CMPK1: variants seen among roughly 807,000 people sequenced by gnomAD.
CMPK1 encodes cytidine/uridine monophosphate kinase 1, also known as UMP-CMP kinase.
In CMPK1, 10 loss-of-function variants were observed where a neutral mutation model predicts 25.7. The observed-to-expected ratio is 0.39, with a 90% confidence interval of 0.24 to 0.66. The LOEUF is 0.66. Among genes scored for constraint, CMPK1 ranks in the 30% least tolerant of loss-of-function variants. CMPK1 has a pLI of 0.48. For synonymous variants in CMPK1, 106 were observed against 101.5 expected (o/e 1.04, Z -0.27); for missense variants, 199 against 280.5 (o/e 0.71, Z 2.08).
intron 2 of CMPK1, among the ~76,000 whole-genome samples, chr1:47,371,280 T>G (rs904588333): frequency 6.6e-6 from 1 of 152,136 alleles, no homozygotes; most frequent in African/African-American, 2.4e-5. Context: ...CTCTCCCTAT[T>G]CACTCTTTCT....
chr1:47,346,337 G>A (rs906368386), intron 1 of CMPK1, among the ~76,000 whole-genome samples: 10 of 152,044 alleles, frequency 6.6e-5, no homozygotes, highest in African/African-American at 2.2e-4. Context: ...GTGGCTCCCA[G>A]GCATGAGCTA....
chr1:47,373,210 T>G, intron 3 of CMPK1, 103 bp downstream of exon 3: 1 of 1,108,450 alleles, frequency 9.0e-7, no homozygotes, highest in Non-Finnish European at 1.2e-6. Flanking sequence ...TTGGCAGCAG[T>G]GTTTTTTGAA....
chr1:47,376,760 G>A lies in CMPK1; in HGVS notation c.*15G>A, dbSNP rs867076992. The stretch of plus-strand genomic sequence containing the variant: ...AGGAAGGCTAATTCTAAACCTGAAG[G>A]CATCCTTGAAATCATGCTTGAATAT... On this transcript the variant is annotated 3_prime_UTR_variant, in exon 6 of 6. Transcript: ENST00000371873. The A allele has an allele frequency of 6.8e-7, 1 of 1,476,240 alleles. No homozygotes were observed. The highest frequency in any genetic ancestry group is 9.4e-7 in the Non-Finnish European group (1 of 1,059,404). 91.4% of individuals were successfully genotyped at this position (1,476,240 alleles called of 1,614,324 possible).
At chr1:47,335,778 T>C (rs2149322863) in intron 1 of CMPK1, among the ~76,000 whole-genome samples, 1 of 152,242 alleles carries the variant, frequency 6.6e-6, no homozygotes, top group Middle Eastern at 3.4e-3. Flanking sequence ...TTTTTGTTTT[T>C]GTTTTTGTGA....
intron 1 of CMPK1, 68 bp downstream of exon 1, chr1:47,334,184 C>G (rs1489950680): frequency 1.5e-5 from 18 of 1,236,320 alleles, no homozygotes; most frequent in Middle Eastern, 3.2e-4. Context: ...TCCCGCCGCC[C>G]CTAGTCCGCG....
At chr1:47,368,066 C>T (rs527547093) in intron 1 of CMPK1, among the ~76,000 whole-genome samples, 1 of 152,284 alleles carries the variant, frequency 6.6e-6, no homozygotes, top group Admixed American at 6.5e-5. Flanking sequence ...TCTCCTGCCT[C>T]AGCCTCCTGA....
chr1:47,343,029 C>T (rs1646453153), intron 1 of CMPK1, among the ~76,000 whole-genome samples: 2 of 149,674 alleles, frequency 1.3e-5, no homozygotes, highest in Admixed American at 6.7e-5. Context: ...CTCTGTCGCC[C>T]AGGCTAGAGT....
In CMPK1 at chr1:47,377,154, T is replaced by C. The variant is rs1171403647; in HGVS notation, c.*409T>C. On this transcript the variant is annotated 3_prime_UTR_variant, in exon 6 of 6. Coordinates refer to ENST00000371873, the MANE Select transcript of CMPK1 (RefSeq NM_016308.3). ...TTAAATTTCCAACCTTAAGTGAATTTGTGGACCAAATTTCAAAGGAACTTT... is the reference window on the plus strand; with the variant it reads ...TTAAATTTCCAACCTTAAGTGAATTCGTGGACCAAATTTCAAAGGAACTTT... The C allele has an allele frequency of 6.5e-6, 1 of 153,958 alleles. No individual in the cohort carries two copies. The highest frequency in any genetic ancestry group is 1.5e-5 in the Non-Finnish European group (1 of 68,946). The allele number at this position is 153,958 out of a possible 1,614,324, so 9.5% of individuals were successfully genotyped here. A position where few individuals can be genotyped will look rare whatever the true frequency, so the allele number is the denominator to read the frequency against.
At chr1:47,339,727 A>T (rs1379688342) in intron 1 of CMPK1, among the ~76,000 whole-genome samples, 6 of 115,852 alleles carry the variant, frequency 5.2e-5, no homozygotes, top group African/African-American at 1.6e-4. Flanking sequence ...TTTTTTTTTA[A>T]GACAGAGCCT....
At chr1:47,338,449 A>G (rs78284022) in intron 1 of CMPK1, among the ~76,000 whole-genome samples, 1 of 151,522 alleles carries the variant, frequency 6.6e-6, no homozygotes, top group African/African-American at 2.4e-5. Flanking sequence ...TTTGGGATTG[A>G]TTTTGCACAT....
At chr1:47,362,320 C>T (rs552547469) in intron 1 of CMPK1, among the ~76,000 whole-genome samples, 61 of 151,608 alleles carry the variant, frequency 4.0e-4, no homozygotes, top group Admixed American at 1.6e-3. Context: ...CAGGCACACA[C>T]CACCACGCCC....
intron 1 of CMPK1, among the ~76,000 whole-genome samples, chr1:47,345,210 G>A (rs913579341): frequency 6.6e-6 from 1 of 151,978 alleles, no homozygotes; most frequent in Non-Finnish European, 1.5e-5. Context: ...GAGCCACCAC[G>A]CCTGGCCTTC....
At chr1:47,373,305 A>T (rs1427211568) in intron 3 of CMPK1, 198 bp downstream of exon 3, 4 of 374,924 alleles carry the variant, frequency 1.1e-5, no homozygotes, top group Non-Finnish European at 1.9e-5. Flanking sequence ...GTGGAGCTAA[A>T]TTTTCCTTTA....
At chr1:47,346,929 G>T (rs890766528) in intron 1 of CMPK1, among the ~76,000 whole-genome samples, 12 of 149,056 alleles carry the variant, frequency 8.1e-5, no homozygotes, top group African/African-American at 3.0e-4. Context: ...GATTACAGGC[G>T]CCCGCCACCA....
chr1:47,339,710 T>C lies in CMPK1; in HGVS notation c.171+5594T>C, dbSNP rs61511177. Among the ~76,000 whole-genome samples, 5 of 76,392 alleles carry C rather than the reference T, an allele frequency of 6.5e-5. No homozygotes were observed. The South Asian group carries it at 1.5e-3, about 22-fold the overall frequency. The allele number at this position is 76,392 out of a possible 152,430, so 50.1% of individuals were successfully genotyped here. On this transcript the variant is annotated intron_variant, in intron 1 of 5. Coordinates refer to ENST00000371873, the MANE Select transcript of CMPK1 (RefSeq NM_016308.3). ...TTTCTTTCTTCCTTTCCTTTTTTTT[T>C]TTTTTTTTTTTTTTTAAGACAGAGC...
intron 1 of CMPK1, among the ~76,000 whole-genome samples, chr1:47,368,022 T>C (rs1458353765): frequency 1.3e-5 from 2 of 152,198 alleles, no homozygotes; most frequent in Non-Finnish European, 2.9e-5. Context: ...CGATCTCAGC[T>C]CACTGCAACC....
chr1:47,340,109 TCTCC>T (rs1238908835), intron 1 of CMPK1, among the ~76,000 whole-genome samples: 15 of 142,506 alleles, frequency 1.1e-4, no homozygotes, highest in Non-Finnish European at 2.1e-4. Context: ...TGAGATGAGC[TCTCC>T]CTCTGTTGCC....
chr1:47,335,600 G>A (rs1246603843), intron 1 of CMPK1, among the ~76,000 whole-genome samples: 1 of 132,070 alleles, frequency 7.6e-6, no homozygotes, highest in Non-Finnish European at 1.5e-5. Flanking sequence ...TCGCGCCACT[G>A]CACACTAGCC....
chr1:47,364,450 A>G (rs1646625243), intron 1 of CMPK1, among the ~76,000 whole-genome samples: 2 of 151,416 alleles, frequency 1.3e-5, no homozygotes, highest in African/African-American at 4.8e-5. Flanking sequence ...CCCAAGTAGC[A>G]GGACTACAGG....
Sources: allele counts gnomAD v4.1 joint callset (sites outside exome capture counted in the v4.1 genomes callset), GRCh38; gene constraint gnomAD v4.1.1; transcripts MANE v1.5; gene names NCBI Gene and HGNC (gene_info 2026-07-23, HGNC 2026-07-21).